LYST: variants seen among roughly 807,000 people sequenced by gnomAD.
The protein encoded by LYST is lysosomal trafficking regulator.
LYST carries 192 observed loss-of-function variants against 413.6 expected under a neutral mutation model. The ratio of observed to expected loss-of-function variants is 0.46; its 90% CI spans 0.41 to 0.52. The LOEUF (loss-of-function observed/expected upper bound fraction) is 0.52, where lower values mean the gene tolerates loss of function less well. LYST is among the 20% of genes least tolerant of loss of function. LYST has a pLI of 0.00. For synonymous variants in LYST, 1,525 were observed against 1,567.3 expected, an observed-to-expected ratio of 0.97 and a Z score of 0.64; for missense variants, 3,815 against 4,499.9, an observed-to-expected ratio of 0.85 and a Z score of 4.35.
intron 3 of LYST, chr1:235,827,478 T>G (rs1272413734): frequency 2.0e-6 from 2 of 983,612 alleles, no homozygotes; most frequent in Admixed American, 1.2e-4. Context: ...GAAGCACAGA[T>G]AGAAAAACTA....
intron 10 of LYST, among the ~76,000 whole-genome samples, chr1:235,798,366 T>A (rs1671787587): frequency 6.6e-6 from 1 of 150,980 alleles, no homozygotes; most frequent in African/African-American, 2.4e-5. Context: ...AAATTAGATG[T>A]TAATAATAGG....
intron 14 of LYST, among the ~76,000 whole-genome samples, chr1:235,783,496 G>A (rs1670083493): frequency 1.3e-5 from 2 of 152,154 alleles, no homozygotes; most frequent in African/African-American, 4.8e-5. Flanking sequence ...GTTGGGGCAA[G>A]GGGAGGAAGA....
intron 10 of LYST, among the ~76,000 whole-genome samples, chr1:235,796,614 G>T (rs768406406): frequency 6.6e-6 from 1 of 152,176 alleles, no homozygotes; most frequent in Non-Finnish European, 1.5e-5. Context: ...TTTGGGAGGT[G>T]ACTGGGTCAT....
At chr1:235,727,110 T>G (rs1035815135) in intron 38 of LYST, among the ~76,000 whole-genome samples, 1 of 150,730 alleles carries the variant, frequency 6.6e-6, no homozygotes, top group African/African-American at 2.4e-5. Flanking sequence ...TTTCACTCAC[T>G]ACTTTCTTTC....
chr1:235,843,528 T>C (rs1677453007), intron 1 of LYST, among the ~76,000 whole-genome samples: 1 of 152,122 alleles, frequency 6.6e-6, no homozygotes, highest in Non-Finnish European at 1.5e-5. Context: ...TGTTGACAAA[T>C]TTTATAGCTC....
intron 1 of LYST, among the ~76,000 whole-genome samples, chr1:235,860,159 A>G (rs1266174050): frequency 6.6e-6 from 1 of 152,160 alleles, no homozygotes; most frequent in Non-Finnish European, 1.5e-5. Context: ...TCTGGCAGAA[A>G]TCTTCTATCC....
chr1:235,866,254 G>T (rs1420188273), intron 1 of LYST, among the ~76,000 whole-genome samples: 1 of 152,172 alleles, frequency 6.6e-6, no homozygotes, highest in Non-Finnish European at 1.5e-5. Context: ...GGATCCCCTG[G>T]AAAGAGAGGC....
intron 31 of LYST, chr1:235,735,910 T>C (rs1272324807): frequency 4.6e-5 from 7 of 151,842 alleles, no homozygotes; most frequent in Non-Finnish European, 1.0e-4. Context: ...GCCTAAAGAG[T>C]TGGCAAATAA....
In LYST at chr1:235,663,986, G is replaced by A. The variant is rs747703566; in HGVS notation, c.11265C>T (p.Ile3755=). The A allele has an allele frequency of 6.2e-7, 1 of 1,608,194 alleles. No homozygotes were observed. Among genetic ancestry groups the A allele is most frequent in the South Asian group, 1.1e-5 (1 of 90,966 alleles). ...ATAAGAGGGGGAGAAGATCTTACCT[G>A]ATGATGGGCTTATTTGATTTGGGAA... The part of the protein sequence containing the change: ...ITFPKSNKPI[I]SLTFSCDGHH... Residue 3755 remains isoleucine (I), a splice_region_variant and synonymous_variant, in exon 52 of 53, where the codon ATC becomes ATT. Transcript: ENST00000389793.
rs548013030 is a variant in LYST at position 235,782,203 on chromosome 1, G to A, written c.4863-116C>T. ...TTCTTTTTTTTTTTTTTTGGAGACA[G>A]AGTCTCGCTCTGTTGCCCAGGTTGG... is the stretch of plus-strand genomic sequence containing the variant. On this transcript the variant is annotated intron_variant, in intron 14 of 52. Transcript: ENST00000389793. 2,587 of 871,670 alleles carry A rather than the reference G, an allele frequency of 3.0e-3. 23 individuals are homozygous for A. Among genetic ancestry groups the A allele is most frequent in the Non-Finnish European group, 3.6e-3 (2,068 of 577,194 alleles). The allele number at this position is 871,670 out of a possible 1,614,324, so 54.0% of individuals were successfully genotyped here.
At chr1:235,692,194 G>A (rs1272625170) in intron 47 of LYST, among the ~76,000 whole-genome samples, 1 of 151,386 alleles carries the variant, frequency 6.6e-6, no homozygotes, top group Non-Finnish European at 1.5e-5. Context: ...TTAGCCAAGT[G>A]TGGTGGCACA....
At chr1:235,757,121 T>C (rs1485751460) in intron 24 of LYST, among the ~76,000 whole-genome samples, 160 bp downstream of exon 24, 1 of 152,134 alleles carries the variant, frequency 6.6e-6, no homozygotes, top group African/African-American at 2.4e-5. Flanking sequence ...TAAAAAAAGT[T>C]TAAAAATATA....
In LYST at chr1:235,664,727, A is replaced by T. The variant is rs1176857691; in HGVS notation, c.11039-106T>A. ...GAAGGGCAAGCTCATTTGTTTATTG[A>T]TGAAGTTTGTAGACAACCCATGACT... On this transcript the variant is annotated intron_variant, in intron 50 of 52. Transcript: ENST00000389793. The surrounding 1 kb of genome is among the most constrained non-coding windows in gnomAD (Gnocchi z 4.5). 6 of 964,134 alleles carry T rather than the reference A, an allele frequency of 6.2e-6. No individual in the cohort carries two copies. The highest frequency in any genetic ancestry group is 1.6e-5 in the African/African-American group (1 of 61,612). 59.7% of individuals were successfully genotyped at this position (964,134 alleles called of 1,614,324 possible).
At chr1:235,801,797 T>G (rs1367283969) in intron 8 of LYST, among the ~76,000 whole-genome samples, 1 of 152,178 alleles carries the variant, frequency 6.6e-6, no homozygotes, top group Non-Finnish European at 1.5e-5. Flanking sequence ...GCACCAGTCA[T>G]GGGTCCATCA....
intron 43 of LYST, among the ~76,000 whole-genome samples, chr1:235,710,061 A>C (rs546147938): frequency 6.6e-6 from 1 of 152,316 alleles, no homozygotes; most frequent in Admixed American, 6.5e-5. Flanking sequence ...TACATTTTCT[A>C]GTTTGCTGAA....
intron 50 of LYST, among the ~76,000 whole-genome samples, chr1:235,666,250 AC>A (rs1658448969): frequency 6.6e-6 from 1 of 151,216 alleles, no homozygotes; most frequent in South Asian, 2.1e-4. Flanking sequence ...ACACACACAC[AC>A]ACACACACAC....
chr1:235,784,809 C>A (rs142149838), intron 14 of LYST, among the ~76,000 whole-genome samples: 1 of 152,226 alleles, frequency 6.6e-6, no homozygotes, highest in East Asian at 1.9e-4. Flanking sequence ...TCTGATTTAA[C>A]TATAGGTTCT....
intron 1 of LYST, among the ~76,000 whole-genome samples, chr1:235,873,619 G>T (rs1163406325): frequency 1.3e-5 from 2 of 152,146 alleles, no homozygotes; most frequent in Admixed American, 6.5e-5. Context: ...AAAAAAGAGA[G>T]ATTTGGGTCT....
At chr1:235,675,347 A>G (rs1184525886) in intron 50 of LYST, among the ~76,000 whole-genome samples, 1 of 152,182 alleles carries the variant, frequency 6.6e-6, no homozygotes, top group East Asian at 1.9e-4. Context: ...AGTCTTAGCC[A>G]ATTGAGTTAG....
Sources: allele counts gnomAD v4.1 joint callset (sites outside exome capture counted in the v4.1 genomes callset), GRCh38; gene constraint gnomAD v4.1.1; non-coding constraint Gnocchi (gnomAD v3.1); transcripts MANE v1.5; gene names NCBI Gene and HGNC (gene_info 2026-07-23, HGNC 2026-07-21).